Variants in BNC2 observed in about 807,000 individuals in gnomAD.
The protein encoded by BNC2 is basonuclin zinc finger protein 2.
Under a neutral mutation model 76.3 loss-of-function variants are expected in BNC2, and 20 were observed. The observed-to-expected ratio is 0.26, with a 90% CI of 0.18 to 0.38. The LOEUF is 0.38. Ranked by LOEUF, BNC2 falls within the 10% of genes least tolerant of loss-of-function variation. The probability of loss-of-function intolerance (pLI) is 1.00; values close to 1 mark genes in which losing one functional copy is unlikely to be tolerated. For synonymous variants in BNC2, 582 were observed against 514.8 expected (o/e 1.13, Z -1.77); for missense variants, 1,382 against 1,399.8 (o/e 0.99, Z 0.20).
At chr9:16,665,386 A>AAAGAGAG (rs1554702315) in intron 3 of BNC2, among the ~76,000 whole-genome samples, 11,438 of 84,582 alleles carry the variant, frequency 0.14, 2,382 homozygotes, top group Non-Finnish European at 0.19. Context: ...AAAAAAAAAA[A>AAAGAGAG]AGAGAGAGAG....
At chr9:16,567,714 C>A (rs140803175) in intron 4 of BNC2, among the ~76,000 whole-genome samples, 164 of 152,168 alleles carry the variant, frequency 1.1e-3, no homozygotes, top group Non-Finnish European at 1.7e-3. Context: ...TTTTTTTAAA[C>A]ACAACTTTCC....
At chr9:16,785,086 G>T (rs1309245847) in intron 1 of BNC2, among the ~76,000 whole-genome samples, 1 of 152,194 alleles carries the variant, frequency 6.6e-6, no homozygotes, top group East Asian at 1.9e-4. Context: ...GTACCTTTTG[G>T]AAAGGGAATG....
chr9:16,699,125 T>C (rs187958950), intron 3 of BNC2: 1 of 454,826 alleles, frequency 2.2e-6, no homozygotes, highest in East Asian at 7.1e-5. Flanking sequence ...GTTTTTGTTT[T>C]TGTTTTTGTT....
chr9:16,559,837 C>T (rs17738890), intron 4 of BNC2, among the ~76,000 whole-genome samples: 6,077 of 152,308 alleles, frequency 0.04, 176 homozygotes, highest in Middle Eastern at 0.12. Context: ...CTCTGAGGTA[C>T]GTGCTGTATG....
At chr9:16,428,208 C>G (rs1820836900) in intron 6 of BNC2, among the ~76,000 whole-genome samples, 1 of 152,140 alleles carries the variant, frequency 6.6e-6, no homozygotes, top group African/African-American at 2.4e-5. Context: ...ACTGACTGAG[C>G]CAATTGCTTT....
At chr9:16,734,513 A>G (rs1040235663) in intron 2 of BNC2, among the ~76,000 whole-genome samples, 26 of 152,314 alleles carry the variant, frequency 1.7e-4, no homozygotes, top group South Asian at 1.5e-3. Flanking sequence ...TACCTTCTCC[A>G]GATGGTTCTG....
intron 5 of BNC2, among the ~76,000 whole-genome samples, chr9:16,469,201 TGCTC>T (rs142638467): frequency 2.6e-4 from 23 of 89,794 alleles, no homozygotes; most frequent in Non-Finnish European, 3.3e-4. Flanking sequence ...AAAGTGAACA[TGCTC>T]TCAAACAGTA....
At chr9:16,645,120 C>T (rs1821587228) in intron 3 of BNC2, among the ~76,000 whole-genome samples, 1 of 152,122 alleles carries the variant, frequency 6.6e-6, no homozygotes, top group Non-Finnish European at 1.5e-5. Flanking sequence ...TTGTCTATGA[C>T]TTGCAGGTAA....
At chr9:16,689,878 A>C (rs981076903) in intron 3 of BNC2, among the ~76,000 whole-genome samples, 1 of 152,236 alleles carries the variant, frequency 6.6e-6, no homozygotes, top group African/African-American at 2.4e-5. Context: ...CAATAAGCTC[A>C]CCAGGAGTCC....
At chr9:16,528,769 T>A (rs1035987292) in intron 5 of BNC2, among the ~76,000 whole-genome samples, 2 of 152,186 alleles carry the variant, frequency 1.3e-5, no homozygotes, top group Non-Finnish European at 1.5e-5. Flanking sequence ...AAATAAATTA[T>A]GGTATATCCA....
At chr9:16,816,023 C>A (rs991021053) in intron 1 of BNC2, among the ~76,000 whole-genome samples, 2 of 152,086 alleles carry the variant, frequency 1.3e-5, no homozygotes, top group African/African-American at 4.8e-5. Flanking sequence ...TGCCTATTTG[C>A]CCCTTGTGTT....
At chr9:16,481,358 T>G (rs970319024) in intron 5 of BNC2, among the ~76,000 whole-genome samples, 1 of 151,974 alleles carries the variant, frequency 6.6e-6, no homozygotes, top group African/African-American at 2.4e-5. Context: ...GTTCTTTCGC[T>G]CCTTGCAATA....
chr9:16,750,140 A>G (rs959684827), intron 1 of BNC2, among the ~76,000 whole-genome samples: 6 of 152,224 alleles, frequency 3.9e-5, no homozygotes, highest in African/African-American at 1.2e-4. Flanking sequence ...GTTTTAAAGA[A>G]TCTACGAGAA....
At chr9:16,585,131 T>C (rs981792434) in intron 3 of BNC2, among the ~76,000 whole-genome samples, 8 of 152,150 alleles carry the variant, frequency 5.3e-5, no homozygotes, top group Admixed American at 1.3e-4. Context: ...TTTTGTATTG[T>C]CTTTAAAGCA....
chr9:16,646,542 A>G (rs1244706191), intron 3 of BNC2, among the ~76,000 whole-genome samples: 1 of 152,232 alleles, frequency 6.6e-6, no homozygotes, highest in Non-Finnish European at 1.5e-5. Context: ...TTGAACAGGT[A>G]AAATGAATCT....
intron 3 of BNC2, among the ~76,000 whole-genome samples, chr9:16,615,372 T>A (rs1820669461): frequency 6.6e-6 from 1 of 151,810 alleles, no homozygotes; most frequent in Non-Finnish European, 1.5e-5. Context: ...AGATTAAGAG[T>A]TTTGAGAGAT....
At chr9:16,737,132 A>G (rs541393775) in intron 2 of BNC2, among the ~76,000 whole-genome samples, 15 of 150,618 alleles carry the variant, frequency 1.0e-4, no homozygotes, top group African/African-American at 3.7e-4. Context: ...AAGAGCTAGG[A>G]TCTTGCTCTA....
intron 5 of BNC2, among the ~76,000 whole-genome samples, chr9:16,500,807 G>C (rs982188350): frequency 6.6e-5 from 10 of 152,146 alleles, no homozygotes; most frequent in African/African-American, 2.4e-4. Flanking sequence ...ACTACTATCT[G>C]TTGGTGCTTT....
At chr9:16,682,534 C>G (rs888280570) in intron 3 of BNC2, among the ~76,000 whole-genome samples, 9 of 152,008 alleles carry the variant, frequency 5.9e-5, no homozygotes, top group African/African-American at 9.7e-5. Flanking sequence ...ACAATGCAGA[C>G]CAGAGAGCAG....
Sources: allele counts gnomAD v4.1 joint callset (sites outside exome capture counted in the v4.1 genomes callset), GRCh38; gene constraint gnomAD v4.1.1; transcripts MANE v1.5; gene names NCBI Gene and HGNC (gene_info 2026-07-23, HGNC 2026-07-21).